The following POLR3E variants were observed in gnomAD, a reference collection of about 807,000 sequenced individuals.
POLR3E encodes the protein RNA polymerase III subunit E.
In POLR3E, 41 loss-of-function variants were observed where a neutral mutation model predicts 96.6. The ratio of observed to expected loss-of-function variants is 0.42; its 90% CI spans 0.33 to 0.55. The LOEUF is 0.55. POLR3E is among the 20% of genes least tolerant of loss of function. POLR3E has a pLI of 0.06. For synonymous variants in POLR3E, 396 were observed against 383.6 expected (o/e 1.03, Z -0.38); for missense variants, 849 against 952.1 (o/e 0.89, Z 1.43).
rs2048576174 is a variant in POLR3E at position 22,325,923 on chromosome 16, A to C, written c.1511A>C (p.Glu504Ala). ...GVRIKEEPVS[E>A]EGEEDEEQEA... ...CGGATCAAGGAGGAGCCCGTGAGCG[A>C]GGAGGGCGAGGAGGACGAGGAGCAG... Residue 504 changes from glutamate to alanine, a missense_variant, in exon 18 of 21, where the codon GAG becomes GCG. Coordinates refer to ENST00000299853, the MANE Select transcript of POLR3E (RefSeq NM_018119.4). 1 of 1,596,926 alleles carries C rather than the reference A, an allele frequency of 6.3e-7. No individual in the cohort carries two copies.
intron 3 of POLR3E, among the ~76,000 whole-genome samples, chr16:22,307,018 C>T (rs1168856198): frequency 6.6e-6 from 1 of 152,212 alleles, no homozygotes; most frequent in Non-Finnish European, 1.5e-5. Flanking sequence ...CACCCTGTTT[C>T]CTTGACTGGC....
At chr16:22,298,807 A>C (rs1338364412) in intron 1 of POLR3E, 3 of 308,316 alleles carry the variant, frequency 9.7e-6, no homozygotes, top group Non-Finnish European at 1.3e-5. Flanking sequence ...ATTAAATATA[A>C]AGTATTCTTT....
In POLR3E at chr16:22,334,275, TG is replaced by T. The variant is rs2048805927; in HGVS notation, c.*576del. On this transcript the variant is annotated 3_prime_UTR_variant, in exon 21 of 21. Transcript: ENST00000299853. Reference sequence around the variant, plus strand: ...TATGTAGCAGTCTCAACTGTTTACATGAACCATAGCAAAAAAATCAGAATCA... The same window carrying T: ...TATGTAGCAGTCTCAACTGTTTACATAACCATAGCAAAAAAATCAGAATCA... The T allele has an allele frequency of 6.6e-6, 1 of 152,264 alleles. No individual in the cohort carries two copies. Among genetic ancestry groups the T allele is most frequent in the South Asian group, 2.1e-4 (1 of 4,836 alleles). The allele number at this position is 152,264 out of a possible 1,614,324, so 9.4% of individuals were successfully genotyped here. A position where few individuals can be genotyped will look rare whatever the true frequency, so the allele number is the denominator to read the frequency against.
Position 22,325,124 on chromosome 16 carries a change from G to A in POLR3E, c.1287-81G>A, listed in dbSNP as rs140601945. On this transcript the variant is annotated intron_variant, in intron 16 of 20. Transcript: ENST00000299853. Reference sequence around the variant, plus strand: ...CTGTCAGTAACCAGCGTGTCCTGGGGCCTAAGGGGTGGTTGTTTCTCTTGT... The same window carrying A: ...CTGTCAGTAACCAGCGTGTCCTGGGACCTAAGGGGTGGTTGTTTCTCTTGT... 7.6e-4 allele frequency: 811 copies of A among 1,060,952 alleles called. 7 individuals carry two copies. In the East Asian group the frequency reaches 8.5e-3, roughly 11 times the overall value. 65.7% of individuals were successfully genotyped at this position (1,060,952 alleles called of 1,614,324 possible). A position where few individuals can be genotyped will look rare whatever the true frequency, so the allele number is the denominator to read the frequency against.
chr16:22,325,720 T>C, intron 17 of POLR3E, 41 bp from the exon 18 acceptor site: 1 of 1,510,506 alleles, frequency 6.6e-7, no homozygotes, highest in Non-Finnish European at 8.8e-7. Context: ...TGGCTTCAGA[T>C]CCCTGTGCCC....
At chr16:22,301,546 A>C (rs2048020788) in intron 1 of POLR3E, among the ~76,000 whole-genome samples, 1 of 152,126 alleles carries the variant, frequency 6.6e-6, no homozygotes, top group African/African-American at 2.4e-5. Flanking sequence ...ACGGCAGAGC[A>C]CTTCAACCTG....
chr16:22,307,219 G>A (rs115010512), intron 3 of POLR3E, among the ~76,000 whole-genome samples: 3,580 of 152,260 alleles, frequency 0.024, 143 homozygotes, highest in African/African-American at 0.082. Context: ...TGGAAGCCAG[G>A]CCTGTGATTT....
chr16:22,331,855 CCTTTA>C (rs1390616962), intron 19 of POLR3E, 200 bp from the exon 20 acceptor site: 11 of 504,642 alleles, frequency 2.2e-5, no homozygotes, highest in African/African-American at 5.8e-5. Context: ...AGCATTAATG[CCTTTA>C]CTTTTGTGTT....
chr16:22,311,361 C>G (rs2048242710), intron 6 of POLR3E, among the ~76,000 whole-genome samples: 1 of 150,586 alleles, frequency 6.6e-6, no homozygotes, highest in South Asian at 2.1e-4. Flanking sequence ...TGTCATAGGC[C>G]TTCACATTCA....
At chr16:22,298,912 C>A in intron 1 of POLR3E, 1 of 453,098 alleles carries the variant, frequency 2.2e-6, no homozygotes. Flanking sequence ...CTCCCCATAA[C>A]AGCTTTGATG....
rs1184989001 is a variant in POLR3E at position 22,322,957 on chromosome 16, C to CA, written c.1068+27dup. 6 of 1,536,624 alleles carry CA rather than the reference C, an allele frequency of 3.9e-6. No homozygotes were observed. Among genetic ancestry groups the CA allele is most frequent in the African/African-American group, 2.7e-5 (2 of 73,318 alleles). On this transcript the variant is annotated intron_variant, in intron 14 of 20. Coordinates refer to ENST00000299853, the MANE Select transcript of POLR3E (RefSeq NM_018119.4). This position sits in a 1 kb window ranked among gnomAD's most constrained non-coding sequence, Gnocchi z 5.2. The stretch of plus-strand genomic sequence containing the variant: ...GTAAGTACCTTGGGTTCTCTGGACT[C>CA]ACGGTGGGGGCGTGGGAAGAGGGGG...
chr16:22,324,767 G>C, intron 16 of POLR3E, 107 bp downstream of exon 16: 1 of 1,258,022 alleles, frequency 7.9e-7, no homozygotes, highest in Non-Finnish European at 1.1e-6. Flanking sequence ...CCCCACATCT[G>C]GGGAGAGCGC....
intron 1 of POLR3E, among the ~76,000 whole-genome samples, chr16:22,299,655 C>G (rs1417727274): frequency 6.6e-6 from 1 of 151,914 alleles, no homozygotes; most frequent in African/African-American, 2.4e-5. Flanking sequence ...CTCAGGTGAT[C>G]CGCCTGCCTC....
At chr16:22,330,988 C>CCTTTT (rs2048726216) in intron 19 of POLR3E, among the ~76,000 whole-genome samples, 1 of 50,732 alleles carries the variant, frequency 2.0e-5, no homozygotes, top group Admixed American at 4.2e-4. Context: ...ATGAAGCATC[C>CCTTTT]TTTTTTTTTT....
rs2048487888 is a variant in POLR3E, at chr16:22,322,383, G to A, written c.987-467G>A. ...AGTGCTGAGCCTGTTCTCTCCGAGG[G>A]CTAACATGCCTCCCCTGCCTCTGAC... On this transcript the variant is annotated intron_variant, in intron 13 of 20. Coordinates refer to ENST00000299853, the MANE Select transcript of POLR3E (RefSeq NM_018119.4). This position sits in a 1 kb window ranked among gnomAD's most constrained non-coding sequence, Gnocchi z 5.2. Among the ~76,000 whole-genome samples the A allele has an allele frequency of 6.6e-6, 1 of 152,160 alleles. No homozygotes were observed. Among genetic ancestry groups the A allele is most frequent in the African/African-American group, 2.4e-5 (1 of 41,418 alleles).
Position 22,322,950 on chromosome 16 carries a change from C to G in POLR3E, c.1068+19C>G. 1 of 1,571,436 alleles carries G rather than the reference C, an allele frequency of 6.4e-7. No homozygotes were observed. On this transcript the variant is annotated intron_variant, in intron 14 of 20. Coordinates refer to ENST00000299853, the MANE Select transcript of POLR3E (RefSeq NM_018119.4). This position sits in a 1 kb window ranked among gnomAD's most constrained non-coding sequence, Gnocchi z 5.2. Reference sequence around the variant, plus strand: ...CTTCGTTGTAAGTACCTTGGGTTCTCTGGACTCACGGTGGGGGCGTGGGAA... The same window carrying G: ...CTTCGTTGTAAGTACCTTGGGTTCTGTGGACTCACGGTGGGGGCGTGGGAA...
intron 3 of POLR3E, among the ~76,000 whole-genome samples, chr16:22,306,888 G>A (rs373390798): frequency 3.9e-5 from 6 of 152,194 alleles, no homozygotes; most frequent in African/African-American, 9.6e-5. Flanking sequence ...TCACGGGCAC[G>A]GAGGCCTGGG....
At chr16:22,333,549 T>C (rs1393774277) in intron 20 of POLR3E, 95 bp from the exon 21 acceptor site, 12 of 862,228 alleles carry the variant, frequency 1.4e-5, no homozygotes, top group Non-Finnish European at 2.4e-5. Flanking sequence ...TGTATTCTAT[T>C]CACTAATCAT....
At chr16:22,317,436 C>T (rs1380477721) in intron 12 of POLR3E, among the ~76,000 whole-genome samples, 1 of 152,248 alleles carries the variant, frequency 6.6e-6, no homozygotes, top group Non-Finnish European at 1.5e-5. Flanking sequence ...GTGTGTCTGG[C>T]CCCCACAGGC....
Sources: allele counts gnomAD v4.1 joint callset (sites outside exome capture counted in the v4.1 genomes callset), GRCh38; gene constraint gnomAD v4.1.1; non-coding constraint Gnocchi (gnomAD v3.1); transcripts MANE v1.5; gene names NCBI Gene and HGNC (gene_info 2026-07-23, HGNC 2026-07-21).